DUSP10: variants seen among roughly 807,000 people sequenced by gnomAD.
The protein encoded by DUSP10 is dual specificity phosphatase 10, also known as dual specificity protein phosphatase 10.
In DUSP10, 14 loss-of-function variants were observed where a neutral mutation model predicts 30.8. That is an observed-to-expected ratio of 0.46 (90% confidence interval 0.30 to 0.71). The LOEUF (loss-of-function observed/expected upper bound fraction) is 0.71, where lower values mean the gene tolerates loss of function less well. Ranked by LOEUF, DUSP10 falls within the 30% of genes least tolerant of loss-of-function variation. DUSP10 has a pLI of 0.08. For synonymous variants in DUSP10, 254 were observed against 250.4 expected (o/e 1.01, Z -0.14); for missense variants, 550 against 619.4 (o/e 0.89, Z 1.19).
intron 2 of DUSP10, among the ~76,000 whole-genome samples, chr1:221,711,417 C>T (rs1469778756): frequency 6.6e-6 from 1 of 152,186 alleles, no homozygotes; most frequent in Non-Finnish European, 1.5e-5. Context: ...TGAAGGTCAG[C>T]AAACAGAAGT....
intron 3 of DUSP10, among the ~76,000 whole-genome samples, chr1:221,705,191 C>T (rs866120943): frequency 6.6e-6 from 1 of 150,412 alleles, no homozygotes; most frequent in Non-Finnish European, 1.5e-5. Context: ...CTCACTGCAA[C>T]CTCCGCTTCC....
chr1:221,735,293 AG>A (rs1260057448), intron 2 of DUSP10, among the ~76,000 whole-genome samples: 1 of 152,316 alleles, frequency 6.6e-6, no homozygotes, highest in African/African-American at 2.4e-5. Flanking sequence ...CCAGGGAGGA[AG>A]GGGGACACAC....
Position 221,739,692 on chromosome 1 carries a change from A to T in DUSP10, c.53T>A (p.Val18Asp). 1 of 1,613,660 alleles carries T rather than the reference A, an allele frequency of 6.2e-7. No individual in the cohort carries two copies. The highest frequency in any genetic ancestry group is 8.5e-7 in the Non-Finnish European group (1 of 1,179,772). The change falls in exon 2 of 4, where the codon GTC (valine) becomes GAC (aspartate). Residue 18 changes from valine to aspartate, a missense_variant. By Grantham distance (152) the Val-to-Asp change is radical (BLOSUM62 -3). Transcript: ENST00000366899. The part of the protein sequence containing the change: ...DRVVVALSRP[V>D]RPQDLNLCLD... Reference sequence around the variant, plus strand: ...ACAAAGGTTGAGATCCTGAGGTCGGACGGGCCTAGATAGTGCCACTACTAC... The same window carrying T: ...ACAAAGGTTGAGATCCTGAGGTCGGTCGGGCCTAGATAGTGCCACTACTAC...
At chr1:221,711,112 G>A (rs987261897) in intron 2 of DUSP10, among the ~76,000 whole-genome samples, 1 of 152,114 alleles carries the variant, frequency 6.6e-6, no homozygotes, top group African/African-American at 2.4e-5. Flanking sequence ...TCTAACACAC[G>A]GTCAGTTCAG....
rs1377972130 is a variant in DUSP10, at chr1:221,737,138, A to C, written c.811+1796T>G. 10 of 985,270 alleles carry C rather than the reference A, an allele frequency of 1.0e-5. No homozygotes were observed. In the African/African-American group the frequency reaches 1.7e-4, roughly 17 times the overall value. 61.0% of individuals were successfully genotyped at this position (985,270 alleles called of 1,614,324 possible). A position where few individuals can be genotyped will look rare whatever the true frequency, so the allele number is the denominator to read the frequency against. On this transcript the variant is annotated intron_variant, in intron 2 of 3. Coordinates refer to ENST00000366899, the MANE Select transcript of DUSP10 (RefSeq NM_007207.6). ...TATCCACAACTCCACCCACTGCAAA[A>C]TAGAGAGTAGGGTCTGCAACTCCTT...
rs1661874382 is a variant in DUSP10, at chr1:221,739,230, G to A, written c.515C>T (p.Pro172Leu). 2 of 1,614,096 alleles carry A rather than the reference G, an allele frequency of 1.2e-6. No individual in the cohort carries two copies. The highest frequency in any genetic ancestry group is 2.7e-5 in the African/African-American group (2 of 74,938). ...GAAGGGCCTGCAGTCAATGATGACA[G>A]GGCCCTGACTCGGCAGGTGACTCTT... ...CSKSHLPSQG[P>L]VIIDCRPFME... Residue 172 changes from proline (P) to leucine (L), a missense_variant, in exon 2 of 4, where the codon CCT (proline) becomes CTT (leucine). Physicochemically the swap from Pro to Leu is moderately conservative, Grantham distance 98. Transcript: ENST00000366899.
intron 2 of DUSP10, among the ~76,000 whole-genome samples, chr1:221,731,001 T>C (rs1452861404): frequency 2.0e-5 from 3 of 152,180 alleles, no homozygotes; most frequent in South Asian, 2.1e-4. Flanking sequence ...ATAAAATGTA[T>C]ATTTTTAAAT....
intron 2 of DUSP10, among the ~76,000 whole-genome samples, chr1:221,723,962 T>A (rs558302843): frequency 6.6e-6 from 1 of 152,268 alleles, no homozygotes. Flanking sequence ...ATCATGTGGA[T>A]GTCTTTCTGA....
intron 2 of DUSP10, among the ~76,000 whole-genome samples, chr1:221,730,770 T>C (rs934445938): frequency 1.3e-5 from 2 of 152,104 alleles, no homozygotes; most frequent in Admixed American, 1.3e-4. Flanking sequence ...ACATAAAATA[T>C]GGGTCTTGCT....
chr1:221,727,630 G>A (rs2102642325), intron 2 of DUSP10, among the ~76,000 whole-genome samples: 1 of 152,276 alleles, frequency 6.6e-6, no homozygotes, highest in Non-Finnish European at 1.5e-5. Context: ...CATTTCTAAA[G>A]TCATCCTGGG....
At chr1:221,710,750 C>A (rs1455427256) in intron 2 of DUSP10, among the ~76,000 whole-genome samples, 1 of 152,152 alleles carries the variant, frequency 6.6e-6, no homozygotes, top group African/African-American at 2.4e-5. Flanking sequence ...CCTAGCTTTC[C>A]TAACAAACAC....
At chr1:221,718,554 A>C (rs948090539) in intron 2 of DUSP10, among the ~76,000 whole-genome samples, 4 of 152,230 alleles carry the variant, frequency 2.6e-5, no homozygotes, top group Non-Finnish European at 5.9e-5. Context: ...ATTTCTCCCG[A>C]GAGCTCAACC....
At chr1:221,714,561 T>G (rs72736544) in intron 2 of DUSP10, among the ~76,000 whole-genome samples, 7,962 of 152,192 alleles carry the variant, frequency 0.052, 247 homozygotes, top group African/African-American at 0.083. Context: ...CAGCCTCCCC[T>G]GAGTGCTGTG....
chr1:221,709,333 TG>T (rs778925577), intron 2 of DUSP10, among the ~76,000 whole-genome samples: 1 of 146,742 alleles, frequency 6.8e-6, no homozygotes, highest in South Asian at 2.2e-4. Context: ...CGTGGCGGAG[TG>T]GGGGGAGGAG....
intron 2 of DUSP10, among the ~76,000 whole-genome samples, chr1:221,732,314 GAAACCACTAGGTTAACAGCTT>G (rs1235951891): frequency 1.3e-5 from 2 of 152,198 alleles, no homozygotes; most frequent in East Asian, 1.9e-4. Context: ...GTTAACAGCT[GAAACCACTAGGTTAACAGCTT>G]AAACCACTAG....
Position 221,706,171 on chromosome 1 carries a change from G to C in DUSP10, c.1107C>G (p.Asn369Lys). Reference protein sequence around the residue: ...PLYHYEKGLFNYKRLPATDSN... With the variant: ...PLYHYEKGLFKYKRLPATDSN... ...TGTCAGTGGCTGGCAGCCGCTTGTA[G>C]TTGAACAGGCCTTTCTCATAGTGGT... Residue 369 changes from asparagine (N) to lysine (K), a missense_variant, in exon 3 of 4, where the codon AAC becomes AAG. Coordinates refer to ENST00000366899, the MANE Select transcript of DUSP10 (RefSeq NM_007207.6). The surrounding 1 kb of genome is among the most constrained non-coding windows in gnomAD (Gnocchi z 4.6). 1 of 1,614,154 alleles carries C rather than the reference G, an allele frequency of 6.2e-7. No individual in the cohort carries two copies. The highest frequency in any genetic ancestry group is 8.5e-7 in the Non-Finnish European group (1 of 1,180,022).
chr1:221,725,983 G>A lies in DUSP10; in HGVS notation c.811+12951C>T, dbSNP rs533685938. Among the ~76,000 whole-genome samples the A allele has an allele frequency of 3.9e-5, 6 of 152,284 alleles. No individual in the cohort carries two copies. In the East Asian group the frequency reaches 1.2e-3, roughly 29 times the overall value. ...ATAGCGCTGAGTGGTGCTTCCTCAT[G>A]TCCTCACTCTATCCACCAAAGAGGT... On this transcript the variant is annotated intron_variant, in intron 2 of 3. Coordinates refer to ENST00000366899, the MANE Select transcript of DUSP10 (RefSeq NM_007207.6).
At position 221,714,217 on chromosome 1, in the gene DUSP10, T is replaced by A. The variant is rs1661025678; in HGVS notation, c.812-7751A>T. ...CTTGAGTTGTCATCGTATAGTAACT[T>A]TGGTATCATAGTGATACAGGAGTTA... is the stretch of plus-strand genomic sequence containing the variant. On this transcript the variant is annotated intron_variant, in intron 2 of 3. Transcript: ENST00000366899. 2.6e-5 allele frequency among the ~76,000 whole-genome samples: 4 copies of A among 152,210 alleles called. No individual in the cohort carries two copies. The South Asian group carries it at 8.3e-4, about 32-fold the overall frequency.
intron 2 of DUSP10, among the ~76,000 whole-genome samples, chr1:221,716,307 C>A (rs1223150801): frequency 1.3e-5 from 2 of 152,176 alleles, no homozygotes; most frequent in African/African-American, 4.8e-5. Context: ...CTTTAACTCA[C>A]CCTCCCCATT....
Sources: gnomAD v4.1 joint callset for allele counts (sites outside exome capture counted in the v4.1 genomes callset) on GRCh38, gnomAD v4.1.1 for gene constraint, Gnocchi (gnomAD v3.1) non-coding constraint, MANE v1.5 for transcripts, NCBI Gene and HGNC (gene_info 2026-07-23, HGNC 2026-07-21) for gene names.